The following ZRANB3 variants were observed in gnomAD, a reference collection of about 807,000 sequenced individuals.
ZRANB3 encodes DNA annealing helicase and endonuclease ZRANB3.
ZRANB3 carries 125 observed loss-of-function variants against 133.8 expected under a neutral mutation model. The observed-to-expected ratio is 0.93, with a 90% confidence interval of 0.81 to 1.08. ZRANB3 has a LOEUF of 1.08. Among genes scored for constraint, ZRANB3 ranks in the 50% least tolerant of loss-of-function variants. The pLI is 0.00. For missense variants in ZRANB3, 1,229 were observed against 1,275.5 expected (o/e 0.96, Z 0.56); for synonymous variants, 387 against 432.7 (o/e 0.89, Z 1.31).
At chr2:135,441,487 C>T (rs1689775360) in intron 2 of ZRANB3, among the ~76,000 whole-genome samples, 1 of 151,956 alleles carries the variant, frequency 6.6e-6, no homozygotes, top group Non-Finnish European at 1.5e-5. Context: ...ATATGTTTCA[C>T]AACGGTAAAT....
chr2:135,527,405 A>T (rs1375864267), intron 1 of ZRANB3, among the ~76,000 whole-genome samples: 1 of 152,130 alleles, frequency 6.6e-6, no homozygotes, highest in African/African-American at 2.4e-5. Flanking sequence ...TTAAAAATAC[A>T]AAAGTTAGCC....
intron 3 of ZRANB3, among the ~76,000 whole-genome samples, chr2:135,383,884 G>A (rs970936147): frequency 7.2e-5 from 11 of 152,164 alleles, no homozygotes; most frequent in African/African-American, 2.4e-4. Flanking sequence ...GCCCACAAGG[G>A]ACAGCAGGAA....
intron 1 of ZRANB3, among the ~76,000 whole-genome samples, chr2:135,528,725 A>G (rs553842090): frequency 1.3e-5 from 2 of 152,220 alleles, no homozygotes; most frequent in African/African-American, 2.4e-5. Context: ...TTAAAAAGCA[A>G]GAGACAACAC....
At chr2:135,277,349 A>C (rs1573814314) in intron 8 of ZRANB3, among the ~76,000 whole-genome samples, 1 of 152,236 alleles carries the variant, frequency 6.6e-6, no homozygotes, top group East Asian at 1.9e-4. Context: ...AATTGTATAC[A>C]TGCGCAGAGC....
At chr2:135,309,263 G>A (rs1242549044) in intron 8 of ZRANB3, among the ~76,000 whole-genome samples, 2 of 152,116 alleles carry the variant, frequency 1.3e-5, no homozygotes, top group Non-Finnish European at 2.9e-5. Context: ...TTACAGGTGT[G>A]AGCCACCGCA....
intron 3 of ZRANB3, among the ~76,000 whole-genome samples, chr2:135,385,094 C>T (rs1686904554): frequency 6.6e-6 from 1 of 152,062 alleles, no homozygotes; most frequent in Non-Finnish European, 1.5e-5. Context: ...TCTAGAAAAC[C>T]CCATCGTCTC....
At chr2:135,270,383 C>T (rs886277097) in intron 10 of ZRANB3, among the ~76,000 whole-genome samples, 1 of 152,102 alleles carries the variant, frequency 6.6e-6, no homozygotes, top group Non-Finnish European at 1.5e-5. Flanking sequence ...TTCTACTTTC[C>T]TTTATTCCTA....
rs142560788 is a variant in ZRANB3 at position 135,455,786 on chromosome 2, G to A, written c.161+48543C>T. ...TCTTTTTGAATTTTTAGTAGAGACG[G>A]GGTTTCACCGTGTTAGCCAGGATGG... On this transcript the variant is annotated intron_variant, in intron 2 of 20. Coordinates refer to ENST00000264159, the MANE Select transcript of ZRANB3 (RefSeq NM_032143.4). Among the ~76,000 whole-genome samples the A allele has an allele frequency of 7.3e-3, 1,102 of 151,254 alleles. 11 individuals carry two copies. The highest frequency in any genetic ancestry group is 0.025 in the African/African-American group (1,045 of 41,208).
chr2:135,463,100 G>C (rs2105018189), intron 2 of ZRANB3, among the ~76,000 whole-genome samples: 1 of 152,280 alleles, frequency 6.6e-6, no homozygotes, highest in South Asian at 2.1e-4. Flanking sequence ...GGCTGAAGTG[G>C]GAGGACAGCT....
intron 3 of ZRANB3, among the ~76,000 whole-genome samples, chr2:135,387,904 T>TG (rs1341837449): frequency 1.3e-5 from 2 of 152,214 alleles, no homozygotes; most frequent in African/African-American, 4.8e-5. Flanking sequence ...GGAACACTCT[T>TG]GCTGGCTAAG....
At chr2:135,363,684 GGAAAAA>G (rs1685792580) in intron 3 of ZRANB3, among the ~76,000 whole-genome samples, 1 of 151,984 alleles carries the variant, frequency 6.6e-6, no homozygotes. Context: ...AGAAATGGGG[GGAAAAA>G]GTCCAATCTC....
chr2:135,268,418 C>T (rs1319104371), intron 11 of ZRANB3, among the ~76,000 whole-genome samples: 1 of 152,140 alleles, frequency 6.6e-6, no homozygotes, highest in East Asian at 1.9e-4. Context: ...CCACCCATCT[C>T]GACCTCCCAA....
chr2:135,318,545 T>C (rs1482319526), intron 6 of ZRANB3, among the ~76,000 whole-genome samples: 1 of 152,146 alleles, frequency 6.6e-6, no homozygotes, highest in African/African-American at 2.4e-5. Context: ...GTATGAAGGA[T>C]TATGTAGTAT....
At chr2:135,458,257 C>A (rs1690612911) in intron 2 of ZRANB3, among the ~76,000 whole-genome samples, 1 of 152,144 alleles carries the variant, frequency 6.6e-6, no homozygotes, top group East Asian at 1.9e-4. Context: ...TCTCTTTATG[C>A]CAGTACTTAT....
At chr2:135,336,127 T>C (rs1250335962) in intron 6 of ZRANB3, among the ~76,000 whole-genome samples, 1 of 152,208 alleles carries the variant, frequency 6.6e-6, no homozygotes, top group Admixed American at 6.5e-5. Flanking sequence ...GTAAGGCATT[T>C]TGGATAAGAG....
chr2:135,404,841 C>G (rs1687929608), intron 2 of ZRANB3, among the ~76,000 whole-genome samples: 1 of 152,056 alleles, frequency 6.6e-6, no homozygotes, highest in Non-Finnish European at 1.5e-5. Context: ...AATTTCATAT[C>G]CAGCCAAACT....
rs201366055 is a variant in ZRANB3, at chr2:135,510,282, GTCTT to G, written c.-7-5790_-7-5787del. On this transcript the variant is annotated intron_variant, in intron 1 of 20. Coordinates refer to ENST00000264159, the MANE Select transcript of ZRANB3 (RefSeq NM_032143.4). ...CATGCAAAATAAGCAAGGAAATTCA[GTCTT>G]TCTTTCTTCTTCTTCTTGAAAAATC... Among the ~76,000 whole-genome samples the G allele has an allele frequency of 6.9e-3, 1,045 of 152,210 alleles. 6 individuals are homozygous for G. Among genetic ancestry groups the G allele is most frequent in the Middle Eastern group, 0.034 (10 of 292 alleles).
intron 2 of ZRANB3, among the ~76,000 whole-genome samples, chr2:135,480,851 G>A (rs1426067629): frequency 1.5e-5 from 2 of 133,430 alleles, no homozygotes; most frequent in Non-Finnish European, 3.0e-5. Flanking sequence ...ACCTATGAGT[G>A]AGAATATGCG....
At chr2:135,324,929 T>C (rs560670687) in intron 6 of ZRANB3, among the ~76,000 whole-genome samples, 1 of 152,304 alleles carries the variant, frequency 6.6e-6, no homozygotes, top group Admixed American at 6.5e-5. Flanking sequence ...ATGGGGTTGT[T>C]TTTTTCTTGT....
Sources: gnomAD v4.1 joint callset for allele counts (sites outside exome capture counted in the v4.1 genomes callset) on GRCh38, gnomAD v4.1.1 for gene constraint, MANE v1.5 for transcripts, NCBI Gene and HGNC (gene_info 2026-07-23, HGNC 2026-07-21) for gene names.